NALF1: variants seen among roughly 807,000 people sequenced by gnomAD.
NALF1 encodes family with sequence similarity 155 member A.
A neutral mutation model predicts 48.4 loss-of-function variants in NALF1; 3 were observed. The ratio of observed to expected loss-of-function variants is 0.06; its 90% CI spans 0.03 to 0.16. The LOEUF (loss-of-function observed/expected upper bound fraction) is 0.16. NALF1 is among the 10% of genes least tolerant of loss of function. The pLI is 1.00. For missense variants in NALF1, 526 were observed against 571.5 expected (o/e 0.92, Z 0.81); for synonymous variants, 262 against 245.7 (o/e 1.07, Z -0.62).
intron 1 of NALF1, among the ~76,000 whole-genome samples, chr13:107,593,782 AC>A (rs1878663531): frequency 6.6e-6 from 1 of 150,390 alleles, no homozygotes; most frequent in African/African-American, 2.4e-5. Context: ...ATGATCAATG[AC>A]CAACTCAGGA....
At chr13:107,515,337 C>G (rs1348154738) in intron 1 of NALF1, among the ~76,000 whole-genome samples, 1 of 152,096 alleles carries the variant, frequency 6.6e-6, no homozygotes, top group Non-Finnish European at 1.5e-5. Context: ...CTTTGGAAAA[C>G]CAGGCTGATA....
intron 1 of NALF1, among the ~76,000 whole-genome samples, chr13:107,732,863 C>T (rs926072166): frequency 1.3e-5 from 2 of 152,126 alleles, no homozygotes; most frequent in Non-Finnish European, 2.9e-5. Flanking sequence ...TTTCACTCTT[C>T]GTCCATAAAG....
chr13:107,318,325 C>T (rs773274394), intron 1 of NALF1, among the ~76,000 whole-genome samples: 17 of 152,074 alleles, frequency 1.1e-4, no homozygotes, highest in Non-Finnish European at 1.8e-4. Flanking sequence ...AATTTGTATT[C>T]GTATCTTTTT....
intron 2 of NALF1, among the ~76,000 whole-genome samples, chr13:107,191,670 A>AT (rs71204820): frequency 0.16 from 23,044 of 141,982 alleles, 1,922 homozygotes; most frequent in East Asian, 0.38. Flanking sequence ...AAAATTCTTA[A>AT]TTTTTTTTTT....
In NALF1 at chr13:107,362,294, A is replaced by C. The variant is rs575755305; in HGVS notation, c.916-151539T>G. The stretch of plus-strand genomic sequence containing the variant: ...TTTCTAGGGCGTGCTGTAACAAACT[A>C]TGATCAACTGAGTAGCTGAAAACAA... On this transcript the variant is annotated intron_variant, in intron 1 of 2. Transcript: ENST00000375915. The surrounding 1 kb of genome is among the most constrained non-coding windows in gnomAD (Gnocchi z 4.6). Among the ~76,000 whole-genome samples, 3 of 152,298 alleles carry C rather than the reference A, an allele frequency of 2.0e-5. No homozygotes were observed. The East Asian group carries it at 5.8e-4, about 30-fold the overall frequency.
intron 1 of NALF1, among the ~76,000 whole-genome samples, chr13:107,402,454 C>G (rs1883825493): frequency 6.6e-6 from 1 of 152,156 alleles, no homozygotes; most frequent in African/African-American, 2.4e-5. Flanking sequence ...TGGTCTAGGA[C>G]TCCTAATCCA....
intron 1 of NALF1, among the ~76,000 whole-genome samples, chr13:107,380,513 G>T (rs191515875): frequency 8.5e-5 from 13 of 152,084 alleles, no homozygotes; most frequent in South Asian, 2.1e-4. Flanking sequence ...ACATCAGAGC[G>T]ATCTCCTTCC....
chr13:107,652,612 A>G (rs1333068830), intron 1 of NALF1, among the ~76,000 whole-genome samples: 1 of 152,054 alleles, frequency 6.6e-6, no homozygotes, highest in East Asian at 1.9e-4. Flanking sequence ...ATCCCATCCT[A>G]ATATCCCCCA....
intron 1 of NALF1, among the ~76,000 whole-genome samples, chr13:107,761,375 A>G (rs28545187): frequency 6.2e-5 from 9 of 145,766 alleles, no homozygotes; most frequent in African/African-American, 2.5e-5. Flanking sequence ...AAAAAAAAAG[A>G]AAAAAAAAAG....
At chr13:107,280,028 C>T (rs1446919687) in intron 1 of NALF1, among the ~76,000 whole-genome samples, 2 of 151,882 alleles carry the variant, frequency 1.3e-5, no homozygotes, top group Middle Eastern at 3.4e-3. Flanking sequence ...GTGAGCTCAA[C>T]CGATCCTCCT....
chr13:107,633,727 A>G (rs1173722198), intron 1 of NALF1, among the ~76,000 whole-genome samples: 3 of 32,998 alleles, frequency 9.1e-5, no homozygotes, highest in Admixed American at 7.3e-4. Flanking sequence ...GTGTGTATAT[A>G]TATATATATA....
chr13:107,529,538 T>G (rs181779560), intron 1 of NALF1, among the ~76,000 whole-genome samples: 1 of 152,278 alleles, frequency 6.6e-6, no homozygotes, highest in African/African-American at 2.4e-5. Flanking sequence ...ATATTCACAC[T>G]ATATGTCCTA....
intron 1 of NALF1, among the ~76,000 whole-genome samples, chr13:107,509,003 T>C (rs1875795647): frequency 6.6e-6 from 1 of 152,204 alleles, no homozygotes; most frequent in Non-Finnish European, 1.5e-5. Context: ...TTGCGAATTG[T>C]ATTTTAACAA....
At chr13:107,722,506 T>C (rs534186909) in intron 1 of NALF1, among the ~76,000 whole-genome samples, 3 of 152,104 alleles carry the variant, frequency 2.0e-5, no homozygotes, top group Non-Finnish European at 4.4e-5. Flanking sequence ...GGCACAGGAA[T>C]GGAAGCAGTG....
chr13:107,471,823 G>T (rs1476180823), intron 1 of NALF1, among the ~76,000 whole-genome samples: 4 of 152,102 alleles, frequency 2.6e-5, no homozygotes, highest in Non-Finnish European at 4.4e-5. Flanking sequence ...AATTATTCAA[G>T]TCATTTATGC....
chr13:107,733,794 G>A lies in NALF1; in HGVS notation c.915+131888C>T, dbSNP rs1876383578. Among the ~76,000 whole-genome samples, 5 of 152,170 alleles carry A rather than the reference G, an allele frequency of 3.3e-5. No homozygotes were observed. In the Middle Eastern group the frequency reaches 0.014, roughly 414 times the overall value. On this transcript the variant is annotated intron_variant, in intron 1 of 2. Coordinates refer to ENST00000375915, the MANE Select transcript of NALF1 (RefSeq NM_001080396.3). ...ATGTGAAGCAAAAAATTGTTGCTAGGACACAACTTATATCTATTTCCTGGA... is the reference window on the plus strand; with the variant it reads ...ATGTGAAGCAAAAAATTGTTGCTAGAACACAACTTATATCTATTTCCTGGA...
intron 1 of NALF1, among the ~76,000 whole-genome samples, chr13:107,849,487 A>G (rs1399611035): frequency 1.3e-5 from 2 of 152,202 alleles, no homozygotes; most frequent in Non-Finnish European, 2.9e-5. Flanking sequence ...CTGGGAAGAC[A>G]TGAAAGCTGG....
At chr13:107,813,082 C>T (rs1879047419) in intron 1 of NALF1, among the ~76,000 whole-genome samples, 1 of 152,036 alleles carries the variant, frequency 6.6e-6, no homozygotes, top group South Asian at 2.1e-4. Context: ...TTTTGTAAAG[C>T]TTATTCTCTT....
At chr13:107,499,163 A>C (rs1360201310) in intron 1 of NALF1, among the ~76,000 whole-genome samples, 1 of 56,878 alleles carries the variant, frequency 1.8e-5, no homozygotes, top group Non-Finnish European at 3.3e-5. Context: ...CCAGAAGTTA[A>C]AAAAAAAACA....
Sources: allele counts gnomAD v4.1 joint callset (sites outside exome capture counted in the v4.1 genomes callset), GRCh38; gene constraint gnomAD v4.1.1; non-coding constraint Gnocchi (gnomAD v3.1); transcripts MANE v1.5; gene names NCBI Gene and HGNC (gene_info 2026-07-23, HGNC 2026-07-21).